PEMT: variants seen among roughly 807,000 people sequenced by gnomAD.
The protein encoded by PEMT is phospholipid methyltransferase.
In PEMT, 23 loss-of-function variants were observed where a neutral mutation model predicts 27.4. The ratio of observed to expected loss-of-function variants is 0.84; its 90% confidence interval spans 0.60 to 1.19. PEMT has a LOEUF of 1.19. Ranked by LOEUF, PEMT falls within the 50% of genes most tolerant of loss-of-function variation. The pLI, the probability that PEMT is intolerant of heterozygous loss-of-function variation, is 0.00. For missense variants in PEMT, 307 were observed against 310.1 expected (o/e 0.99, Z 0.07); for synonymous variants, 137 against 139.1 (o/e 0.98, Z 0.11).
intron 1 of PEMT, among the ~76,000 whole-genome samples, chr17:17,588,453 T>TA (rs963150632): frequency 7.9e-5 from 12 of 152,270 alleles, no homozygotes; most frequent in Non-Finnish European, 1.5e-4. Flanking sequence ...GCCTTCTGAA[T>TA]ACAAGGGCTT....
At chr17:17,591,903 T>C, upstream of PEMT, 26 of 985,464 alleles carry the variant, frequency 2.6e-5, no homozygotes, top group Non-Finnish European at 3.1e-5. Flanking sequence ...CAGTATCCCC[T>C]TGGATCCGGC....
chr17:17,576,411 C>A (rs1390330275), intron 2 of PEMT, among the ~76,000 whole-genome samples: 4 of 152,220 alleles, frequency 2.6e-5, no homozygotes, highest in African/African-American at 9.7e-5. Flanking sequence ...GCTCCTGCCA[C>A]CCAGCTCGCC....
intron 1 of PEMT, among the ~76,000 whole-genome samples, chr17:17,577,886 G>C (rs550192748): frequency 1.3e-5 from 2 of 151,710 alleles, no homozygotes; most frequent in Non-Finnish European, 2.9e-5. Context: ...GCATGGTGGC[G>C]GGCGCCTGTA....
chr17:17,577,668 GAA>G (rs4646345), intron 1 of PEMT, among the ~76,000 whole-genome samples: 1 of 118,722 alleles, frequency 8.4e-6, no homozygotes, highest in East Asian at 2.6e-4. Flanking sequence ...AAGAAATGAA[GAA>G]AAAAAAAAAA....
intron 2 of PEMT, among the ~76,000 whole-genome samples, chr17:17,535,676 A>G (rs1407318203): frequency 6.6e-6 from 1 of 152,196 alleles, no homozygotes; most frequent in Non-Finnish European, 1.5e-5. Flanking sequence ...AAAACACTCT[A>G]GTGAAAGGAA....
intron 2 of PEMT, among the ~76,000 whole-genome samples, chr17:17,566,468 T>C (rs1031288834): frequency 2.0e-5 from 3 of 152,106 alleles, no homozygotes; most frequent in Non-Finnish European, 4.4e-5. Context: ...CCAAGAGCTC[T>C]CAGTCTAGGC....
At chr17:17,577,524 C>T (rs1212271101) in intron 1 of PEMT, 1 of 996,306 alleles carries the variant, frequency 1.0e-6, no homozygotes. Context: ...GCGGGGTAAA[C>T]TGAAAAAGTG....
intron 5 of PEMT, chr17:17,507,457 G>A (rs747663847): frequency 4.8e-5 from 26 of 540,024 alleles, no homozygotes; most frequent in Non-Finnish European, 7.6e-5. Flanking sequence ...TCCACCCCTG[G>A]ACCTCACACT....
chr17:17,549,486 T>C (rs1466299920), intron 2 of PEMT, among the ~76,000 whole-genome samples: 1 of 152,292 alleles, frequency 6.6e-6, no homozygotes, highest in East Asian at 1.9e-4. Flanking sequence ...TATATTTTTT[T>C]GTAGAGATGG....
rs1476044580 is a variant in PEMT at position 17,561,749 on chromosome 17, C to G, written c.204+15171G>C. Among the ~76,000 whole-genome samples, 7 of 152,210 alleles carry G rather than the reference C, an allele frequency of 4.6e-5. No individual in the cohort carries two copies. Among genetic ancestry groups the G allele is most frequent in the African/African-American group, 1.7e-4 (7 of 41,438 alleles). On this transcript the variant is annotated intron_variant, in intron 2 of 6. Transcript: ENST00000255389. This position sits in a 1 kb window ranked among gnomAD's most constrained non-coding sequence, Gnocchi z 4.5. ...GCCCAGAGATATGAGGGGGGCACAA[C>G]CGCACCGGGCTCCCGAGGATGGCAA... is the stretch of plus-strand genomic sequence containing the variant.
chr17:17,573,929 ACAC>A (rs2142734042), intron 2 of PEMT, among the ~76,000 whole-genome samples: 1 of 152,196 alleles, frequency 6.6e-6, no homozygotes, highest in East Asian at 1.9e-4. Flanking sequence ...CTACAGGTGC[ACAC>A]CACCACACAC....
Position 17,532,626 on chromosome 17 carries a change from C to A in PEMT, c.205-10231G>T, listed in dbSNP as rs556075876. 1.1e-4 allele frequency among the ~76,000 whole-genome samples: 16 copies of A among 152,348 alleles called. 1 individual carries two copies. In the South Asian group the frequency reaches 3.3e-3, roughly 32 times the overall value. Reference sequence around the variant, plus strand: ...GATTCAATGCAGTCACAATCAGAATCTCAGCTGGCTTCTTTGTAAAACTGA... The same window carrying A: ...GATTCAATGCAGTCACAATCAGAATATCAGCTGGCTTCTTTGTAAAACTGA... On this transcript the variant is annotated intron_variant, in intron 2 of 6. Coordinates refer to ENST00000255389, the MANE Select transcript of PEMT (RefSeq NM_148172.3).
intron 2 of PEMT, among the ~76,000 whole-genome samples, chr17:17,532,919 C>T (rs919698095): frequency 7.2e-5 from 11 of 152,158 alleles, no homozygotes; most frequent in East Asian, 1.9e-4. Context: ...CCCAGCTACT[C>T]GTAAGGCTGA....
intron 2 of PEMT, among the ~76,000 whole-genome samples, chr17:17,557,597 G>A (rs1910149635): frequency 6.6e-6 from 1 of 152,238 alleles, no homozygotes; most frequent in African/African-American, 2.4e-5. Context: ...ACAGCGCCCA[G>A]AACAGTACTT....
chr17:17,581,563 G>T (rs2046470252), intron 1 of PEMT, among the ~76,000 whole-genome samples: 1 of 152,322 alleles, frequency 6.6e-6, no homozygotes, highest in South Asian at 2.1e-4. Context: ...TTCTGTGGGA[G>T]CCAAGATGAA....
In PEMT at chr17:17,509,555, A is replaced by G; in HGVS notation, c.467-10T>C. Reference sequence around the variant, plus strand: ...ATCCCGAAGTAATCACCTGTGGATGAGGCAAGGCAGGGTCCCTCGGCTATT... The same window carrying G: ...ATCCCGAAGTAATCACCTGTGGATGGGGCAAGGCAGGGTCCCTCGGCTATT... On this transcript the variant is annotated splice_polypyrimidine_tract_variant and intron_variant, in intron 4 of 6. Coordinates refer to ENST00000255389, the MANE Select transcript of PEMT (RefSeq NM_148172.3). 6.4e-7 allele frequency: 1 copy of G among 1,573,828 alleles called. No homozygotes were observed. Among genetic ancestry groups the G allele is most frequent in the Non-Finnish European group, 8.7e-7 (1 of 1,143,350 alleles).
chr17:17,516,738 C>A (rs1011194020), intron 3 of PEMT, among the ~76,000 whole-genome samples: 1 of 152,116 alleles, frequency 6.6e-6, no homozygotes, highest in Non-Finnish European at 1.5e-5. Flanking sequence ...GGGCCTGGAC[C>A]CACTCTTGCC....
At chr17:17,586,275 A>AC (rs1912292985) in intron 1 of PEMT, among the ~76,000 whole-genome samples, 1 of 116,220 alleles carries the variant, frequency 8.6e-6, no homozygotes, top group African/African-American at 4.3e-5. Flanking sequence ...AAAGAAAGAA[A>AC]GAAAGAAAGA....
chr17:17,510,353 G>C (rs1422137018), intron 4 of PEMT, among the ~76,000 whole-genome samples: 1 of 152,206 alleles, frequency 6.6e-6, no homozygotes, highest in Non-Finnish European at 1.5e-5. Context: ...GCTCCATAAA[G>C]GGTGTGGCTT....
Sources: gnomAD v4.1 joint callset for allele counts (sites outside exome capture counted in the v4.1 genomes callset) on GRCh38, gnomAD v4.1.1 for gene constraint, Gnocchi (gnomAD v3.1) non-coding constraint, MANE v1.5 for transcripts, NCBI Gene and HGNC (gene_info 2026-07-23, HGNC 2026-07-21) for gene names.